Variants in NTNG1 observed in about 807,000 individuals in gnomAD.
The protein encoded by NTNG1 is netrin-G1.
A neutral mutation model predicts 54.0 loss-of-function variants in NTNG1; 16 were observed. The observed-to-expected ratio is 0.30, with a 90% CI of 0.20 to 0.45. The LOEUF (loss-of-function observed/expected upper bound fraction) is 0.45. NTNG1 is among the 20% of genes least tolerant of loss of function. The probability of loss-of-function intolerance (pLI) is 1.00; values close to 1 mark genes in which losing one functional copy is unlikely to be tolerated. For missense variants in NTNG1, 530 were observed against 678.7 expected, an observed-to-expected ratio of 0.78 and a Z score of 2.43; for synonymous variants, 255 against 263.1, an observed-to-expected ratio of 0.97 and a Z score of 0.30.
intron 2 of NTNG1, among the ~76,000 whole-genome samples, chr1:107,292,470 C>T (rs954143303): frequency 3.3e-5 from 5 of 152,144 alleles, no homozygotes; most frequent in African/African-American, 1.2e-4. Flanking sequence ...ACGTGATGGT[C>T]AGGCAGTTGT....
chr1:107,222,820 T>C (rs1660432973), intron 2 of NTNG1, among the ~76,000 whole-genome samples: 1 of 150,706 alleles, frequency 6.6e-6, no homozygotes, highest in Admixed American at 6.6e-5. Flanking sequence ...TTTTTTTTTT[T>C]TGGAGCAGAA....
chr1:107,345,381 A>G (rs945365442), intron 3 of NTNG1, among the ~76,000 whole-genome samples: 5 of 152,188 alleles, frequency 3.3e-5, no homozygotes, highest in African/African-American at 1.2e-4. Context: ...CAAAGAGCCC[A>G]AAGGGTTATT....
intron 2 of NTNG1, among the ~76,000 whole-genome samples, chr1:107,311,016 T>G (rs1186672384): frequency 6.6e-6 from 1 of 152,178 alleles, no homozygotes; most frequent in Non-Finnish European, 1.5e-5. Context: ...AGAATCTCTG[T>G]AATTAGCCAC....
chr1:107,381,634 T>C (rs553971033), intron 3 of NTNG1, among the ~76,000 whole-genome samples: 1 of 152,222 alleles, frequency 6.6e-6, no homozygotes, highest in African/African-American at 2.4e-5. Context: ...TAACGTGATG[T>C]ACTCTGTGCT....
intron 2 of NTNG1, among the ~76,000 whole-genome samples, chr1:107,210,325 CCT>C (rs1400615690): frequency 2.0e-5 from 3 of 152,112 alleles, no homozygotes; most frequent in Non-Finnish European, 4.4e-5. Flanking sequence ...TTAAACAACT[CCT>C]CTGTTACTCC....
chr1:107,288,399 G>C (rs1373129934), intron 2 of NTNG1, among the ~76,000 whole-genome samples: 1 of 152,150 alleles, frequency 6.6e-6, no homozygotes, highest in East Asian at 1.9e-4. Flanking sequence ...CTGTATGTTT[G>C]AGAGGCATTT....
rs151060738 is a variant in NTNG1 at position 107,341,558 on chromosome 1, C to T, written c.887+16636C>T. ...GTTGCAGATGCTCATTTATCCTCACCGATGATGGATGGCCTACTTTGACAT... is the reference window on the plus strand; with the variant it reads ...GTTGCAGATGCTCATTTATCCTCACTGATGATGGATGGCCTACTTTGACAT... On this transcript the variant is annotated intron_variant, in intron 3 of 7. Coordinates refer to ENST00000370068, the MANE Select transcript of NTNG1 (RefSeq NM_001113226.3). Among the ~76,000 whole-genome samples the T allele has an allele frequency of 1.6e-3, 248 of 152,098 alleles. 1 individual carries two copies. The highest frequency in any genetic ancestry group is 2.8e-3 in the Non-Finnish European group (190 of 67,958).
At chr1:107,334,298 A>T (rs1403562242) in intron 3 of NTNG1, among the ~76,000 whole-genome samples, 3 of 152,046 alleles carry the variant, frequency 2.0e-5, no homozygotes, top group Non-Finnish European at 4.4e-5. Context: ...ATAGCTAAGG[A>T]TATCACCTTG....
intron 4 of NTNG1, among the ~76,000 whole-genome samples, chr1:107,395,916 G>T (rs974247593): frequency 6.6e-6 from 1 of 152,042 alleles, no homozygotes; most frequent in Admixed American, 6.6e-5. Flanking sequence ...AGGCCTGTGG[G>T]GACCACATTA....
intron 2 of NTNG1, among the ~76,000 whole-genome samples, chr1:107,215,640 A>G (rs917475648): frequency 6.6e-6 from 1 of 151,900 alleles, no homozygotes; most frequent in Non-Finnish European, 1.5e-5. Flanking sequence ...GTTGTTCCAT[A>G]TGAATTTTGA....
chr1:107,419,556 A>G (rs1433102896), intron 5 of NTNG1, among the ~76,000 whole-genome samples: 1 of 151,696 alleles, frequency 6.6e-6, no homozygotes, highest in Non-Finnish European at 1.5e-5. Context: ...CTATAGATAT[A>G]TATAGTCATG....
Position 107,171,654 on chromosome 1 carries a change from A to G in NTNG1, c.246+22815A>G, listed in dbSNP as rs118143612. ...GCTCTGTACTGCAGTCGTCCTCAGT[A>G]TTAGTCACTGCACACCGGCTGCATT... On this transcript the variant is annotated intron_variant, in intron 2 of 7. Transcript: ENST00000370068. Among the ~76,000 whole-genome samples the G allele has an allele frequency of 5.3e-4, 80 of 152,270 alleles. No individual in the cohort carries two copies. The East Asian group carries it at 0.015, about 29-fold the overall frequency.
intron 3 of NTNG1, among the ~76,000 whole-genome samples, chr1:107,340,596 A>T (rs750785025): frequency 2.0e-5 from 3 of 152,220 alleles, no homozygotes; most frequent in East Asian, 3.9e-4. Context: ...CAACAAAAAC[A>T]TATGTAAAGA....
chr1:107,266,364 C>T (rs1427712542), intron 2 of NTNG1, among the ~76,000 whole-genome samples: 1 of 152,086 alleles, frequency 6.6e-6, no homozygotes, highest in Admixed American at 6.5e-5. Flanking sequence ...CTGGGGAGGC[C>T]TAAGGAAACT....
rs78057789 is a variant in NTNG1, at chr1:107,223,725, T to A, written c.246+74886T>A. ...CTGAGTGGAGCTGAAAGAAAAAAGG[T>A]ATCTCTAGGGATTACAGGACGGAGA... On this transcript the variant is annotated intron_variant, in intron 2 of 7. Coordinates refer to ENST00000370068, the MANE Select transcript of NTNG1 (RefSeq NM_001113226.3). 5.0e-3 allele frequency among the ~76,000 whole-genome samples: 761 copies of A among 152,244 alleles called. 5 individuals carry two copies. The highest frequency in any genetic ancestry group is 8.6e-3 in the Non-Finnish European group (582 of 68,014).
chr1:107,311,224 T>G (rs1666993113), intron 2 of NTNG1, among the ~76,000 whole-genome samples: 1 of 152,232 alleles, frequency 6.6e-6, no homozygotes, highest in East Asian at 1.9e-4. Context: ...TGTATTCAGC[T>G]CTCCATAATT....
intron 7 of NTNG1, among the ~76,000 whole-genome samples, chr1:107,443,712 T>C (rs1676126663): frequency 6.6e-6 from 1 of 152,154 alleles, no homozygotes; most frequent in South Asian, 2.1e-4. Context: ...GCTAAACATA[T>C]GATTTCCCTC....
chr1:107,194,340 C>CT (rs752860602), intron 2 of NTNG1, among the ~76,000 whole-genome samples: 2 of 151,982 alleles, frequency 1.3e-5, no homozygotes, highest in Admixed American at 1.3e-4. Flanking sequence ...ATTCTTCTGC[C>CT]TTTTTTCCTA....
At chr1:107,390,300 T>C (rs2101069448) in intron 3 of NTNG1, among the ~76,000 whole-genome samples, 1 of 152,350 alleles carries the variant, frequency 6.6e-6, no homozygotes, top group South Asian at 2.1e-4. Context: ...CAACTTCAGC[T>C]GGACCAGGGT....
Sources: gnomAD v4.1 joint callset for allele counts (sites outside exome capture counted in the v4.1 genomes callset) on GRCh38, gnomAD v4.1.1 for gene constraint, MANE v1.5 for transcripts, NCBI Gene and HGNC (gene_info 2026-07-23, HGNC 2026-07-21) for gene names.